The following INPP5D variants were observed in gnomAD, a reference collection of about 807,000 sequenced individuals.
INPP5D encodes the protein inositol polyphosphate-5-phosphatase D.
In INPP5D, 33 loss-of-function variants were observed where a neutral mutation model predicts 122.9. The observed-to-expected ratio is 0.27, with a 90% confidence interval of 0.20 to 0.36. INPP5D has a LOEUF of 0.36. Ranked by LOEUF, INPP5D falls within the 10% of genes least tolerant of loss-of-function variation. The probability of loss-of-function intolerance (pLI) is 1.00; values close to 1 mark genes in which losing one functional copy is unlikely to be tolerated. For missense variants in INPP5D, 1,053 were observed against 1,412.7 expected (o/e 0.75, Z 4.08); for synonymous variants, 584 against 576.2 (o/e 1.01, Z -0.19).
intron 9 of INPP5D, among the ~76,000 whole-genome samples, chr2:233,150,762 A>G (rs1164779906): frequency 1.3e-5 from 2 of 152,198 alleles, no homozygotes; most frequent in Non-Finnish European, 2.9e-5. Flanking sequence ...GGCAGGTATT[A>G]GAATGTGCTC....
chr2:233,095,843 C>G (rs980966200), intron 2 of INPP5D, among the ~76,000 whole-genome samples: 1 of 152,138 alleles, frequency 6.6e-6, no homozygotes, highest in African/African-American at 2.4e-5. Context: ...ATCCCCCACC[C>G]TAGTCCCACT....
rs1001775467 is a variant in INPP5D, at chr2:233,170,924, A to G, written c.1901-140A>G. 7 of 945,892 alleles carry G rather than the reference A, an allele frequency of 7.4e-6. No homozygotes were observed. In the Admixed American group the frequency reaches 1.7e-4, roughly 23 times the overall value. The allele number at this position is 945,892 out of a possible 1,614,324, so 58.6% of individuals were successfully genotyped here. A position where few individuals can be genotyped will look rare whatever the true frequency, so the allele number is the denominator to read the frequency against. On this transcript the variant is annotated intron_variant, in intron 16 of 26. Coordinates refer to ENST00000445964, the MANE Select transcript of INPP5D (RefSeq NM_001017915.3). This position sits in a 1 kb window ranked among gnomAD's most constrained non-coding sequence, Gnocchi z 4.5. ...CCGTCTCAAAAAAAAAAAAAAAAAA[A>G]GCAGCAGCCTCTCCTCTTGGAGCCT... is the stretch of plus-strand genomic sequence containing the variant.
At chr2:233,062,075 T>C (rs767422962) in intron 1 of INPP5D, among the ~76,000 whole-genome samples, 11 of 152,240 alleles carry the variant, frequency 7.2e-5, no homozygotes, top group Non-Finnish European at 1.5e-4. Context: ...GACCTGCTGC[T>C]GCCGGGGCCT....
In INPP5D at chr2:233,060,450, C is replaced by T. The variant is rs549445538; in HGVS notation, c.-29C>T. 5.6e-5 allele frequency: 88 copies of T among 1,570,168 alleles called. No individual in the cohort carries two copies. In the African/African-American group the frequency reaches 8.4e-4, roughly 15 times the overall value. ...GTGTGTGGGTCCTGGGGGTGCCTGC[C>T]GGCCCGGCCGAGGAGGCCCACGCCC... On this transcript the variant is annotated 5_prime_UTR_variant, in exon 1 of 27. Transcript: ENST00000445964.
At chr2:233,153,626 A>G (rs554066117) in intron 9 of INPP5D, among the ~76,000 whole-genome samples, 1 of 152,358 alleles carries the variant, frequency 6.6e-6, no homozygotes, top group South Asian at 2.1e-4. Flanking sequence ...AGTGGGGTGA[A>G]GGTGGGGTTA....
At position 233,126,454 on chromosome 2, in the gene INPP5D, G is replaced by A. The variant is rs1002584863; in HGVS notation, c.524+535G>A. Among the ~76,000 whole-genome samples, 5 of 152,172 alleles carry A rather than the reference G, an allele frequency of 3.3e-5. 1 individual carries two copies. The highest frequency in any genetic ancestry group is 5.9e-5 in the Non-Finnish European group (4 of 68,036). ...CCACCGGGTTGCTATGATACTTGGC[G>A]TGTTCCTATTTCCACCTGGACATAC... On this transcript the variant is annotated intron_variant, in intron 4 of 26. Coordinates refer to ENST00000445964, the MANE Select transcript of INPP5D (RefSeq NM_001017915.3).
At chr2:233,166,193 C>T (rs950494706) in intron 13 of INPP5D, among the ~76,000 whole-genome samples, 1 of 152,164 alleles carries the variant, frequency 6.6e-6, no homozygotes, top group South Asian at 2.1e-4. Flanking sequence ...GATTCCATCG[C>T]TCCCTGGGCT....
intron 24 of INPP5D, 63 bp downstream of exon 24, chr2:233,195,558 A>G (rs1426164897): frequency 3.1e-6 from 5 of 1,607,208 alleles, no homozygotes; most frequent in South Asian, 1.1e-5. Context: ...ACAAATTAGC[A>G]TGGTTTGGCC....
chr2:233,206,852 T>C lies in INPP5D; in HGVS notation c.*144T>C. The C allele has an allele frequency of 1.5e-6, 1 of 676,574 alleles. No individual in the cohort carries two copies. Among genetic ancestry groups the C allele is most frequent in the East Asian group, 2.8e-5 (1 of 35,374 alleles). The allele number at this position is 676,574 out of a possible 1,614,324, so 41.9% of individuals were successfully genotyped here. ...TTTTCAGGAAAGGGCCTAGCTTCTGTGTGGCCCACAGAGTTCACTGCCTGT... is the reference window on the plus strand; with the variant it reads ...TTTTCAGGAAAGGGCCTAGCTTCTGCGTGGCCCACAGAGTTCACTGCCTGT... On this transcript the variant is annotated 3_prime_UTR_variant, in exon 27 of 27. Transcript: ENST00000445964. The surrounding 1 kb of genome is among the most constrained non-coding windows in gnomAD (Gnocchi z 4.0).
chr2:233,076,158 C>G (rs1187800595), intron 1 of INPP5D: 1 of 152,270 alleles, frequency 6.6e-6, no homozygotes, highest in Admixed American at 6.5e-5. Context: ...CAGCTGCCCT[C>G]AGCCAAATAA....
intron 11 of INPP5D, 123 bp from the exon 12 acceptor site, chr2:233,163,584 T>C: frequency 6.6e-7 from 1 of 1,519,256 alleles, no homozygotes; most frequent in Non-Finnish European, 8.8e-7. Context: ...TTCTTTGGGC[T>C]GCCTGGATGG....
intron 17 of INPP5D, among the ~76,000 whole-genome samples, chr2:233,172,513 G>C (rs527447861): frequency 2.0e-5 from 3 of 152,242 alleles, no homozygotes; most frequent in Non-Finnish European, 4.4e-5. Flanking sequence ...GGGGAAATCA[G>C]GATATATTGC....
At chr2:233,165,096 T>C (rs1694293491) in intron 13 of INPP5D, among the ~76,000 whole-genome samples, 1 of 152,100 alleles carries the variant, frequency 6.6e-6, no homozygotes, top group Admixed American at 6.6e-5. Context: ...GTAGGATGTG[T>C]GTGTGAGTAG....
chr2:233,170,958 A>G lies in INPP5D; in HGVS notation c.1901-106A>G. ...CTCTCCTCTTGGAGCCTTTCCAGCC[A>G]TCCTTTCGTCCCCTTTCCCCTGATT... On this transcript the variant is annotated intron_variant, in intron 16 of 26. Coordinates refer to ENST00000445964, the MANE Select transcript of INPP5D (RefSeq NM_001017915.3). This position sits in a 1 kb window ranked among gnomAD's most constrained non-coding sequence, Gnocchi z 4.5. 1 of 1,456,374 alleles carries G rather than the reference A, an allele frequency of 6.9e-7. No homozygotes were observed. The highest frequency in any genetic ancestry group is 9.3e-7 in the Non-Finnish European group (1 of 1,076,682). 90.2% of individuals were successfully genotyped at this position (1,456,374 alleles called of 1,614,324 possible).
At chr2:233,132,931 C>T (rs927185428) in intron 5 of INPP5D, among the ~76,000 whole-genome samples, 9 of 148,682 alleles carry the variant, frequency 6.1e-5, no homozygotes, top group African/African-American at 2.2e-4. Context: ...CTCTGTCACC[C>T]AGGCTGGAGT....
chr2:233,197,685 G>A lies in INPP5D; in HGVS notation c.2694-410G>A, dbSNP rs1200760267. 6.6e-6 allele frequency among the ~76,000 whole-genome samples: 1 copy of A among 152,112 alleles called. No individual in the cohort carries two copies. Among genetic ancestry groups the A allele is most frequent in the Non-Finnish European group, 1.5e-5 (1 of 68,012 alleles). On this transcript the variant is annotated intron_variant, in intron 24 of 26. Coordinates refer to ENST00000445964, the MANE Select transcript of INPP5D (RefSeq NM_001017915.3). This position sits in a 1 kb window ranked among gnomAD's most constrained non-coding sequence, Gnocchi z 4.4. ...AGATGAAAGACCACCTCCTCAGATG[G>A]GGCCTCCTGGGGTCACCCAATGCCC...
rs77206203 is a variant in INPP5D, at chr2:233,183,457, G to A, written c.2162-951G>A. 0.017 allele frequency among the ~76,000 whole-genome samples: 2,607 copies of A among 152,186 alleles called. 43 individuals carry two copies. Among genetic ancestry groups the A allele is most frequent in the African/African-American group, 0.047 (1,955 of 41,510 alleles). On this transcript the variant is annotated intron_variant, in intron 19 of 26. Transcript: ENST00000445964. The surrounding 1 kb of genome is among the most constrained non-coding windows in gnomAD (Gnocchi z 4.6). ...TCCACCCAAGCCTTGACCCACCATC[G>A]TGTCTCCTTCCTAAGTCTGGCCACT...
chr2:233,129,911 TGTGTGTGA>T (rs776621849), intron 4 of INPP5D, among the ~76,000 whole-genome samples: 389 of 147,494 alleles, frequency 2.6e-3, no homozygotes, highest in South Asian at 4.7e-3. Context: ...TGTGTGTGTG[TGTGTGTGA>T]GAGACAGTGT....
chr2:233,061,481 T>C (rs1311751621), intron 1 of INPP5D, among the ~76,000 whole-genome samples: 1 of 152,016 alleles, frequency 6.6e-6, no homozygotes, highest in Non-Finnish European at 1.5e-5. Flanking sequence ...CGGAGTGTAG[T>C]CAGGGAAATG....
Sources: allele counts gnomAD v4.1 joint callset (sites outside exome capture counted in the v4.1 genomes callset), GRCh38; gene constraint gnomAD v4.1.1; non-coding constraint Gnocchi (gnomAD v3.1); transcripts MANE v1.5; gene names NCBI Gene and HGNC (gene_info 2026-07-23, HGNC 2026-07-21).